Variants in NEBL observed in about 807,000 individuals in gnomAD.
NEBL encodes the protein LIM and SH3 protein 2.
In NEBL, 122 loss-of-function variants were observed where a neutral mutation model predicts 140.2. The ratio of observed to expected loss-of-function variants is 0.87; its 90% CI spans 0.75 to 1.01. The LOEUF (loss-of-function observed/expected upper bound fraction) is 1.01. NEBL is among the 50% of genes least tolerant of loss of function. The pLI is 0.00. For missense variants in NEBL, 1,365 were observed against 1,231.3 expected (o/e 1.11, Z -1.62); for synonymous variants, 436 against 398.9 (o/e 1.09, Z -1.11).
chr10:20,842,848 TTGAC>T (rs2130987522), intron 12 of NEBL, among the ~76,000 whole-genome samples: 1 of 152,196 alleles, frequency 6.6e-6, no homozygotes, highest in African/African-American at 2.4e-5. Context: ...TTTGAACTCT[TTGAC>T]TATCACCTTG....
At chr10:21,280,417 C>A (rs35200039) in intron 1 of NEBL, among the ~76,000 whole-genome samples, 52,701 of 151,898 alleles carry the variant, frequency 0.35, 12,741 homozygotes, top group African/African-American at 0.69. Context: ...GGGCAAAGAG[C>A]AATGAATGGG....
chr10:21,220,104 G>A (rs1313091840), intron 3 of NEBL, among the ~76,000 whole-genome samples: 1 of 151,824 alleles, frequency 6.6e-6, no homozygotes, highest in Non-Finnish European at 1.5e-5. Context: ...GTAGAGGCAG[G>A]ATTTCACCAT....
chr10:21,077,343 G>A (rs1269842453), intron 2 of NEBL, among the ~76,000 whole-genome samples: 1 of 152,142 alleles, frequency 6.6e-6, no homozygotes. Flanking sequence ...AGTGGCTCAC[G>A]CCTGTAATCC....
At chr10:20,968,808 C>G (rs1490012917) in intron 3 of NEBL, among the ~76,000 whole-genome samples, 1 of 152,160 alleles carries the variant, frequency 6.6e-6, no homozygotes, top group Non-Finnish European at 1.5e-5. Flanking sequence ...GATAGATACT[C>G]CACATTTCTT....
intron 2 of NEBL, chr10:21,113,417 A>G: frequency 2.4e-6 from 1 of 422,554 alleles, no homozygotes; most frequent in Non-Finnish European, 4.5e-6. Flanking sequence ...GTGGAAGCCA[A>G]GTTCATCAAT....
At chr10:21,027,196 T>C (rs1278168168) in intron 2 of NEBL, among the ~76,000 whole-genome samples, 2 of 151,998 alleles carry the variant, frequency 1.3e-5, no homozygotes, top group Admixed American at 6.6e-5. Context: ...CAGAGAATCA[T>C]CAAAACTGAG....
At chr10:20,914,167 G>A (rs1179287105) in intron 4 of NEBL, among the ~76,000 whole-genome samples, 3 of 152,312 alleles carry the variant, frequency 2.0e-5, no homozygotes, top group South Asian at 4.1e-4. Flanking sequence ...TGTGTTTTGC[G>A]CGTTTGAACT....
chr10:20,976,822 A>G (rs1015608057), intron 3 of NEBL, among the ~76,000 whole-genome samples: 8 of 151,964 alleles, frequency 5.3e-5, no homozygotes, highest in Admixed American at 5.2e-4. Context: ...GTGAGATGCT[A>G]TGCTCACTAT....
At chr10:21,058,618 G>GC (rs1835142354) in intron 2 of NEBL, among the ~76,000 whole-genome samples, 1 of 151,934 alleles carries the variant, frequency 6.6e-6, no homozygotes, top group Non-Finnish European at 1.5e-5. Context: ...TTTATCAAAT[G>GC]CAACATTAAA....
chr10:20,943,459 A>T (rs1262210864), intron 4 of NEBL, among the ~76,000 whole-genome samples: 2 of 152,138 alleles, frequency 1.3e-5, no homozygotes, highest in Non-Finnish European at 2.9e-5. Flanking sequence ...GAGAGTGGGG[A>T]GGGATAGCAT....
At chr10:21,160,670 C>A (rs1840523102) in intron 2 of NEBL, among the ~76,000 whole-genome samples, 2 of 151,970 alleles carry the variant, frequency 1.3e-5, no homozygotes, top group South Asian at 4.2e-4. Flanking sequence ...GGGGGAGAAG[C>A]ACTGATCCTA....
chr10:21,088,386 C>G (rs555723988), intron 2 of NEBL, among the ~76,000 whole-genome samples: 1 of 152,024 alleles, frequency 6.6e-6, no homozygotes, highest in African/African-American at 2.4e-5. Context: ...ACGCAGGAGG[C>G]TGAGGCAGGA....
intron 2 of NEBL, among the ~76,000 whole-genome samples, chr10:20,894,768 A>AT (rs1847313802): frequency 6.7e-6 from 1 of 149,204 alleles, no homozygotes; most frequent in South Asian, 2.1e-4. Context: ...AAAAAAAAAA[A>AT]ATACAAAAAA....
At chr10:20,892,445 T>C (rs1027047352) in intron 2 of NEBL, among the ~76,000 whole-genome samples, 2 of 152,154 alleles carry the variant, frequency 1.3e-5, no homozygotes, top group African/African-American at 4.8e-5. Context: ...ATAACACCCA[T>C]AGTACCCAGC....
At chr10:21,171,169 C>G (rs1841055484) in intron 2 of NEBL, among the ~76,000 whole-genome samples, 1 of 151,946 alleles carries the variant, frequency 6.6e-6, no homozygotes, top group Non-Finnish European at 1.5e-5. Context: ...AACCCCGTCT[C>G]TACTAAAAAT....
chr10:21,020,542 T>G (rs1010442855), intron 2 of NEBL, among the ~76,000 whole-genome samples: 1 of 151,990 alleles, frequency 6.6e-6, no homozygotes, highest in African/African-American at 2.4e-5. Context: ...CAACCAAACT[T>G]CCTGACAAAG....
rs73607529 is a variant in NEBL at position 20,849,252 on chromosome 10, G to C, written c.1116+1143C>G. On this transcript the variant is annotated intron_variant, in intron 11 of 27. Coordinates refer to ENST00000377122, the MANE Select transcript of NEBL (RefSeq NM_006393.3). The stretch of plus-strand genomic sequence containing the variant: ...CACAAATAAGTCTCGCTGGAACAGA[G>C]AAAAAAAAAGTGTGGGGAATATCGA... Among the ~76,000 whole-genome samples the C allele has an allele frequency of 8.0e-3, 1,197 of 150,310 alleles. 16 individuals carry two copies. Among genetic ancestry groups the C allele is most frequent in the African/African-American group, 0.028 (1,130 of 41,012 alleles).
rs74753278 is a variant in NEBL, at chr10:21,207,457, A to C, written n.349-34980T>G. On this transcript the variant is annotated intron_variant and non_coding_transcript_variant, in intron 3 of 8. Transcript: ENST00000675702. Reference sequence around the variant, plus strand: ...TTATTAACTCTATAAAGATGGCATCATTGTCCCCTTTCCAACATCCTAACA... The same window carrying C: ...TTATTAACTCTATAAAGATGGCATCCTTGTCCCCTTTCCAACATCCTAACA... Among the ~76,000 whole-genome samples, 315 of 152,250 alleles carry C rather than the reference A, an allele frequency of 2.1e-3. 3 individuals carry two copies. Among genetic ancestry groups the C allele is most frequent in the Middle Eastern group, 0.014 (4 of 292 alleles).
intron 1 of NEBL, among the ~76,000 whole-genome samples, chr10:21,264,369 G>C (rs376955053): frequency 2.0e-5 from 3 of 152,194 alleles, no homozygotes; most frequent in Non-Finnish European, 4.4e-5. Context: ...AGGAGCTAGA[G>C]AAGAGGCATT....
Sources: allele counts gnomAD v4.1 joint callset (sites outside exome capture counted in the v4.1 genomes callset), GRCh38; gene constraint gnomAD v4.1.1; transcripts MANE v1.5; gene names NCBI Gene and HGNC (gene_info 2026-07-23, HGNC 2026-07-21).